The following ZSWIM5 variants were observed in gnomAD, a reference collection of about 807,000 sequenced individuals.
ZSWIM5 encodes the protein zinc finger SWIM domain-containing protein 5.
ZSWIM5 carries 55 observed loss-of-function variants against 119.6 expected under a neutral mutation model. The ratio of observed to expected loss-of-function variants is 0.46; its 90% CI spans 0.37 to 0.58. ZSWIM5 has a LOEUF of 0.58. Ranked by LOEUF, ZSWIM5 falls within the 20% of genes least tolerant of loss-of-function variation. ZSWIM5 has a pLI of 0.00. For synonymous variants in ZSWIM5, 537 were observed against 606.9 expected, an observed-to-expected ratio of 0.88 and a Z score of 1.69; for missense variants, 1,193 against 1,512.8, an observed-to-expected ratio of 0.79 and a Z score of 3.51.
intron 1 of ZSWIM5, among the ~76,000 whole-genome samples, chr1:45,123,530 C>T (rs1645605075): frequency 6.6e-6 from 1 of 152,022 alleles, no homozygotes; most frequent in South Asian, 2.1e-4. Context: ...AACTTGAAGA[C>T]AGAATAACAG....
chr1:45,132,129 A>G (rs2149031128), intron 1 of ZSWIM5, among the ~76,000 whole-genome samples: 2 of 151,050 alleles, frequency 1.3e-5, no homozygotes, highest in East Asian at 3.9e-4. Flanking sequence ...CACTATGTAT[A>G]TATGTAATTG....
Position 45,041,074 on chromosome 1 carries a change from C to T in ZSWIM5, c.1610-536G>A, listed in dbSNP as rs1645015718. Among the ~76,000 whole-genome samples the T allele has an allele frequency of 2.0e-5, 3 of 152,110 alleles. No homozygotes were observed. In the South Asian group the frequency reaches 6.2e-4, roughly 32 times the overall value. On this transcript the variant is annotated intron_variant, in intron 6 of 13. Coordinates refer to ENST00000359600, the MANE Select transcript of ZSWIM5 (RefSeq NM_020883.2). ...GAGAGAAAATAATATTTGAGCTGTG[C>T]TTTGAAGGACAAGTAAGATTTCAAA...
chr1:45,084,534 C>T (rs1645313429), intron 2 of ZSWIM5, among the ~76,000 whole-genome samples: 1 of 152,226 alleles, frequency 6.6e-6, no homozygotes, highest in South Asian at 2.1e-4. Context: ...GTCTCTTCCA[C>T]TTATGAGCCG....
rs2148985299 is a variant in ZSWIM5, at chr1:45,018,307, C to CT, written c.*146dup. On this transcript the variant is annotated 3_prime_UTR_variant, in exon 14 of 14. Transcript: ENST00000359600. The surrounding 1 kb of genome is among the most constrained non-coding windows in gnomAD (Gnocchi z 6.7). Reference sequence around the variant, plus strand: ...GTAGGCATTATCGACTAGAGCTGGACTTTCCCCATCCTTAGCCCTGTGGTC... The same window carrying CT: ...GTAGGCATTATCGACTAGAGCTGGACTTTTCCCCATCCTTAGCCCTGTGGTC... 3.0e-6 allele frequency: 3 copies of CT among 1,001,120 alleles called. No homozygotes were observed. The East Asian group carries it at 7.7e-5, about 26-fold the overall frequency. The allele number at this position is 1,001,120 out of a possible 1,614,324, so 62.0% of individuals were successfully genotyped here.
chr1:45,062,368 T>C (rs1405385750), intron 2 of ZSWIM5, among the ~76,000 whole-genome samples: 1 of 152,232 alleles, frequency 6.6e-6, no homozygotes, highest in Non-Finnish European at 1.5e-5. Flanking sequence ...TTTTGTAGTA[T>C]ATCTTATTCT....
intron 1 of ZSWIM5, among the ~76,000 whole-genome samples, chr1:45,114,228 G>A (rs1645533796): frequency 1.3e-5 from 2 of 152,036 alleles, no homozygotes; most frequent in South Asian, 2.1e-4. Context: ...TCATTCATGG[G>A]GGAAAAAAGC....
intron 6 of ZSWIM5, among the ~76,000 whole-genome samples, chr1:45,041,404 C>CT (rs567104870): frequency 3.3e-5 from 5 of 151,786 alleles, no homozygotes; most frequent in Non-Finnish European, 7.4e-5. Flanking sequence ...TTATTTTGTG[C>CT]TTTTTTTCTT....
intron 1 of ZSWIM5, among the ~76,000 whole-genome samples, chr1:45,180,263 G>A (rs1236816689): frequency 9.9e-5 from 15 of 152,134 alleles, no homozygotes; most frequent in Non-Finnish European, 1.5e-5. Context: ...CTTAGGAAAC[G>A]GCACACCAGG....
At chr1:45,060,271 A>G in intron 2 of ZSWIM5, 24 bp from the exon 3 acceptor site, 1 of 1,610,462 alleles carries the variant, frequency 6.2e-7, no homozygotes, top group Non-Finnish European at 8.5e-7. Context: ...GAACAGTGAA[A>G]TGAATCACCT....
intron 2 of ZSWIM5, among the ~76,000 whole-genome samples, chr1:45,064,838 T>C (rs1052804696): frequency 7.9e-5 from 12 of 152,180 alleles, no homozygotes; most frequent in African/African-American, 1.2e-4. Flanking sequence ...ATATATATAT[T>C]GGTCTCTTTC....
At chr1:45,131,495 G>C (rs1645656055) in intron 1 of ZSWIM5, among the ~76,000 whole-genome samples, 1 of 151,996 alleles carries the variant, frequency 6.6e-6, no homozygotes, top group Non-Finnish European at 1.5e-5. Context: ...AGGCTGAGGT[G>C]GGTGGACCAC....
At chr1:45,192,667 A>T (rs1278641418) in intron 1 of ZSWIM5, among the ~76,000 whole-genome samples, 1 of 152,200 alleles carries the variant, frequency 6.6e-6, no homozygotes, top group East Asian at 1.9e-4. Context: ...TATTTTGGTT[A>T]TACAACCAGA....
Position 45,043,347 on chromosome 1 carries a change from C to G in ZSWIM5, c.1481G>C (p.Gly494Ala), listed in dbSNP as rs1205725064. The change falls in exon 6 of 14, where the codon GGG (glycine) becomes GCG (alanine). Residue 494 changes from glycine to alanine, a missense_variant. By Grantham distance (60) the Gly-to-Ala change is moderately conservative (BLOSUM62 0). Around this residue, in one of 2 missense-constraint regions of ZSWIM5, gnomAD observed 961 missense variants for 1,290.0 expected, o/e 0.74. Coordinates refer to ENST00000359600, the MANE Select transcript of ZSWIM5 (RefSeq NM_020883.2). ...GCTATCCTGCCAATGTAATTCACGC[C>G]CCTCAATGGCTCTAGTGAATACTGT... ...RRTVFTRAIEGRELHWQDSHL... is the reference protein window; with the variant it reads ...RRTVFTRAIEARELHWQDSHL... 1 of 1,614,040 alleles carries G rather than the reference C, an allele frequency of 6.2e-7. No homozygotes were observed. The highest frequency in any genetic ancestry group is 8.5e-7 in the Non-Finnish European group (1 of 1,180,048).
At chr1:45,162,373 A>T (rs1485467502) in intron 1 of ZSWIM5, among the ~76,000 whole-genome samples, 1 of 152,236 alleles carries the variant, frequency 6.6e-6, no homozygotes, top group Non-Finnish European at 1.5e-5. Context: ...ATGGCCGAAT[A>T]GGAACAGCTC....
At chr1:45,093,511 A>C (rs541668264) in intron 1 of ZSWIM5, among the ~76,000 whole-genome samples, 4 of 152,208 alleles carry the variant, frequency 2.6e-5, no homozygotes, top group Non-Finnish European at 4.4e-5. Flanking sequence ...GAGCTGTGTA[A>C]ATGTTTGGGC....
intron 2 of ZSWIM5, among the ~76,000 whole-genome samples, chr1:45,065,003 A>C (rs892967540): frequency 3.3e-5 from 5 of 152,246 alleles, no homozygotes; most frequent in African/African-American, 4.8e-5. Flanking sequence ...GCTACAGAGA[A>C]TATGGAATTA....
chr1:45,020,256 T>G, intron 12 of ZSWIM5, 109 bp from the exon 13 acceptor site: 1 of 860,602 alleles, frequency 1.2e-6, no homozygotes, highest in East Asian at 2.6e-5. Context: ...TAAACAGTGG[T>G]CTCTCCGCTG....
intron 1 of ZSWIM5, among the ~76,000 whole-genome samples, chr1:45,129,976 C>A (rs1048881883): frequency 1.3e-5 from 2 of 152,090 alleles, no homozygotes; most frequent in Non-Finnish European, 2.9e-5. Context: ...CAGCTCACTG[C>A]AACCTCCGCC....
At chr1:45,131,364 T>C (rs1400648703) in intron 1 of ZSWIM5, among the ~76,000 whole-genome samples, 1 of 152,062 alleles carries the variant, frequency 6.6e-6, no homozygotes, top group Non-Finnish European at 1.5e-5. Flanking sequence ...ATGAATAATA[T>C]ATAATATTCT....
Sources: allele counts gnomAD v4.1 joint callset (sites outside exome capture counted in the v4.1 genomes callset), GRCh38; gene constraint gnomAD v4.1.1; regional missense constraint gnomAD v4.1.1; non-coding constraint Gnocchi (gnomAD v3.1); transcripts MANE v1.5; gene names NCBI Gene and HGNC (gene_info 2026-07-23, HGNC 2026-07-21).